The following LYPLA1 variants were observed in gnomAD, a reference collection of about 807,000 sequenced individuals.
LYPLA1 encodes the protein lysophospholipase 1.
Under a neutral mutation model 34.0 loss-of-function variants are expected in LYPLA1, and 17 were observed. The ratio of observed to expected loss-of-function variants is 0.50; its 90% CI spans 0.34 to 0.75. LYPLA1 has a LOEUF of 0.75. LYPLA1 is among the 30% of genes least tolerant of loss of function. LYPLA1 has a pLI of 0.01. For synonymous variants in LYPLA1, 98 were observed against 100.8 expected (o/e 0.97, Z 0.17); for missense variants, 203 against 288.8 (o/e 0.70, Z 2.15).
chr8:54,084,124 G>GGAAAAAAAAAAAAAAAAA (rs1554547911), intron 2 of LYPLA1, among the ~76,000 whole-genome samples: 1 of 56,386 alleles, frequency 1.8e-5, no homozygotes, highest in African/African-American at 8.9e-5. Flanking sequence ...GGAGACCAAA[G>GGAAAAAAAAAAAAAAAAA]AAAAAAAAAA....
chr8:54,050,658 C>A (rs767223912), intron 8 of LYPLA1, among the ~76,000 whole-genome samples: 26 of 152,276 alleles, frequency 1.7e-4, no homozygotes, highest in Non-Finnish European at 3.5e-4. Flanking sequence ...TTTCAGGGCA[C>A]CTTTTGTTAT....
intron 2 of LYPLA1, among the ~76,000 whole-genome samples, chr8:54,089,792 T>C (rs1809085208): frequency 6.6e-6 from 1 of 152,122 alleles, no homozygotes. Flanking sequence ...GCTGGCCAAT[T>C]TTTTGTATTC....
At chr8:54,066,648 G>A (rs1355939591) in intron 2 of LYPLA1, among the ~76,000 whole-genome samples, 1 of 151,872 alleles carries the variant, frequency 6.6e-6, no homozygotes, top group Admixed American at 6.6e-5. Context: ...AGGCATGGTG[G>A]TGTGCACCTG....
chr8:54,064,269 AG>A (rs1401794252), intron 3 of LYPLA1, among the ~76,000 whole-genome samples: 4 of 78 alleles, frequency 0.051, no homozygotes, highest in Non-Finnish European at 0.083. Context: ...ACAAAAAATT[AG>A]CCCAGGCATG....
intron 2 of LYPLA1, among the ~76,000 whole-genome samples, chr8:54,069,685 G>A (rs1586118632): frequency 1.3e-5 from 2 of 151,546 alleles, no homozygotes; most frequent in East Asian, 3.9e-4. Flanking sequence ...ACTCCAGCCT[G>A]GGCGACAGAG....
intron 2 of LYPLA1, among the ~76,000 whole-genome samples, chr8:54,070,450 G>A (rs1408401435): frequency 6.6e-6 from 1 of 152,186 alleles, no homozygotes; most frequent in African/African-American, 2.4e-5. Flanking sequence ...GAGGCCAGGC[G>A]TGGTGGCTCA....
intron 2 of LYPLA1, among the ~76,000 whole-genome samples, chr8:54,087,544 G>A (rs1418095712): frequency 6.6e-6 from 1 of 152,224 alleles, no homozygotes; most frequent in Non-Finnish European, 1.5e-5. Context: ...AAAAACTGTT[G>A]TGCTGCAAAA....
At chr8:54,073,572 G>T in intron 2 of LYPLA1, 2 of 593,026 alleles carry the variant, frequency 3.4e-6, no homozygotes, top group South Asian at 2.0e-5. Context: ...ACTATTAATC[G>T]ACACTGACCT....
intron 8 of LYPLA1, among the ~76,000 whole-genome samples, 192 bp downstream of exon 8, chr8:54,050,820 C>T (rs1267384852): frequency 2.0e-5 from 3 of 152,140 alleles, no homozygotes; most frequent in Admixed American, 2.0e-4. Flanking sequence ...ATGTACAATG[C>T]TGTGTATAAT....
At chr8:54,065,490 A>AT (rs1806993937) in intron 3 of LYPLA1, among the ~76,000 whole-genome samples, 1 of 151,346 alleles carries the variant, frequency 6.6e-6, no homozygotes, top group African/African-American at 2.4e-5. Flanking sequence ...AAATAAATAA[A>AT]ATAATTTTTC....
chr8:54,084,137 A>ATATATATATATATATATATATATATAT (rs1563642470), intron 2 of LYPLA1, among the ~76,000 whole-genome samples: 2 of 120,152 alleles, frequency 1.7e-5, no homozygotes, highest in African/African-American at 9.4e-5. Context: ...AAAAAAAATA[A>ATATATATATATATATATATATATATAT]ATAAATATAT....
At chr8:54,099,876 G>A (rs1034299711) in intron 2 of LYPLA1, among the ~76,000 whole-genome samples, 2 of 151,792 alleles carry the variant, frequency 1.3e-5, no homozygotes, top group Non-Finnish European at 1.5e-5. Flanking sequence ...TAGAGATGGG[G>A]TTTCACCATA....
chr8:54,074,198 C>G (rs1011733497), intron 2 of LYPLA1, among the ~76,000 whole-genome samples: 1 of 152,174 alleles, frequency 6.6e-6, no homozygotes, highest in African/African-American at 2.4e-5. Flanking sequence ...GGCGGGAACC[C>G]GGGAGGCAGA....
intron 3 of LYPLA1, 136 bp downstream of exon 3, chr8:54,065,612 T>C: frequency 1.8e-6 from 1 of 564,754 alleles, no homozygotes; most frequent in Non-Finnish European, 3.0e-6. Context: ...TAAGGAATTC[T>C]ACTAATCTTT....
At chr8:54,090,996 C>G (rs1336484603) in intron 2 of LYPLA1, among the ~76,000 whole-genome samples, 5 of 152,172 alleles carry the variant, frequency 3.3e-5, no homozygotes, top group Non-Finnish European at 7.3e-5. Flanking sequence ...TGAATTAAAC[C>G]TCTTTTCTTT....
chr8:54,083,560 T>C (rs1808466416), intron 2 of LYPLA1, among the ~76,000 whole-genome samples: 1 of 152,188 alleles, frequency 6.6e-6, no homozygotes, highest in Non-Finnish European at 1.5e-5. Flanking sequence ...CATTTTAGGC[T>C]TTACCAGCCA....
intron 2 of LYPLA1, among the ~76,000 whole-genome samples, chr8:54,094,859 A>G (rs1400500235): frequency 2.0e-5 from 3 of 152,230 alleles, no homozygotes; most frequent in Admixed American, 1.3e-4. Flanking sequence ...GGACAATTTG[A>G]GCATCAAAAT....
intron 2 of LYPLA1, among the ~76,000 whole-genome samples, chr8:54,073,746 AC>A (rs1807671916): frequency 6.6e-6 from 1 of 151,926 alleles, no homozygotes. Context: ...ACTACTTCCT[AC>A]CTCTTTGCCC....
chr8:54,079,336 G>C lies in LYPLA1; in HGVS notation c.102-13523C>G, dbSNP rs75520745. Reference sequence around the variant, plus strand: ...GGAATAAACTTAACGTGCATAGTTAGCTTTGCAAATAGATTTTAATGTGTA... The same window carrying C: ...GGAATAAACTTAACGTGCATAGTTACCTTTGCAAATAGATTTTAATGTGTA... On this transcript the variant is annotated intron_variant, in intron 2 of 8. Coordinates refer to ENST00000316963, the MANE Select transcript of LYPLA1 (RefSeq NM_006330.4). 5.1e-3 allele frequency among the ~76,000 whole-genome samples: 772 copies of C among 152,234 alleles called. 4 individuals are homozygous for C. Among genetic ancestry groups the C allele is most frequent in the African/African-American group, 0.014 (602 of 41,544 alleles).
Sources: allele counts gnomAD v4.1 joint callset (sites outside exome capture counted in the v4.1 genomes callset), GRCh38; gene constraint gnomAD v4.1.1; transcripts MANE v1.5; gene names NCBI Gene and HGNC (gene_info 2026-07-23, HGNC 2026-07-21).